Variants in FAM168B observed in about 807,000 individuals in gnomAD.
FAM168B encodes family with sequence similarity 168 member B, also known as myelin-associated neurite-outgrowth inhibitor.
Under a neutral mutation model 21.8 loss-of-function variants are expected in FAM168B, and 19 were observed. The observed-to-expected ratio is 0.87, with a 90% CI of 0.61 to 1.28. The LOEUF is 1.28. FAM168B is among the 50% of genes most tolerant of loss of function. The pLI is 0.00. For synonymous variants in FAM168B, 126 were observed against 104.8 expected, an observed-to-expected ratio of 1.20 and a Z score of -1.24; for missense variants, 233 against 263.1, an observed-to-expected ratio of 0.89 and a Z score of 0.79.
chr2:131,082,443 T>C, intron 2 of FAM168B, 134 bp downstream of exon 2: 1 of 627,940 alleles, frequency 1.6e-6, no homozygotes, highest in East Asian at 3.0e-5. Flanking sequence ...TCATTTGATT[T>C]TTCACTTCCA....
At position 131,061,018 on chromosome 2, in the gene FAM168B, A is replaced by AT. The variant is rs1239405522; in HGVS notation, c.155-5324dup. ...AGGCGCCCACCACCAAGCCTGGCTA[A>AT]TTTTTTTTTTTTTTGGTAGAGACGG... On this transcript the variant is annotated intron_variant, in intron 3 of 6. Transcript: ENST00000389915. 6.4e-3 allele frequency among the ~76,000 whole-genome samples: 911 copies of AT among 143,246 alleles called. 4 individuals are homozygous for AT. The highest frequency in any genetic ancestry group is 0.01 in the Non-Finnish European group (654 of 64,718). The allele number at this position is 143,246 out of a possible 152,430, so 94.0% of individuals were successfully genotyped here.
chr2:131,088,695 A>T (rs1024053989), intron 1 of FAM168B, among the ~76,000 whole-genome samples: 2 of 152,238 alleles, frequency 1.3e-5, no homozygotes, highest in African/African-American at 2.4e-5. Context: ...ATACTTTAAA[A>T]TATTTCTACA....
intron 3 of FAM168B, 80 bp downstream of exon 3, chr2:131,071,775 T>A: frequency 8.1e-7 from 1 of 1,233,596 alleles, no homozygotes; most frequent in Admixed American, 1.7e-5. Flanking sequence ...CCTAATTCTA[T>A]ACCCACCCCT....
At chr2:131,089,021 CA>C (rs1693866819) in intron 1 of FAM168B, among the ~76,000 whole-genome samples, 1 of 150,248 alleles carries the variant, frequency 6.7e-6, no homozygotes, top group African/African-American at 2.5e-5. Flanking sequence ...GGCTGGAGTG[CA>C]ATGGCGCGAT....
intron 3 of FAM168B, among the ~76,000 whole-genome samples, chr2:131,069,855 T>A (rs1292529450): frequency 6.7e-6 from 1 of 149,054 alleles, no homozygotes; most frequent in East Asian, 2.0e-4. Flanking sequence ...CTAACCCTCA[T>A]CAAACTTTTT....
intron 1 of FAM168B, among the ~76,000 whole-genome samples, chr2:131,087,781 G>A (rs1693790527): frequency 6.6e-6 from 1 of 152,128 alleles, no homozygotes; most frequent in South Asian, 2.1e-4. Context: ...CCACTCCTAG[G>A]TACATACCCA....
Position 131,049,043 on chromosome 2 carries a change from A to G in FAM168B, c.*3422T>C, listed in dbSNP as rs1691482107. 2.0e-6 allele frequency: 2 copies of G among 985,348 alleles called. No homozygotes were observed. Among genetic ancestry groups the G allele is most frequent in the South Asian group, 4.7e-5 (1 of 21,294 alleles). 61.0% of individuals were successfully genotyped at this position (985,348 alleles called of 1,614,324 possible). A position where few individuals can be genotyped will look rare whatever the true frequency, so the allele number is the denominator to read the frequency against. On this transcript the variant is annotated 3_prime_UTR_variant, in exon 7 of 7. Coordinates refer to ENST00000389915, the MANE Select transcript of FAM168B (RefSeq NM_001009993.4). ...TTTTAAAGCAGACACCAATACTTAC[A>G]TAACTAGTACATGTTGGCCTTTCAC...
intron 2 of FAM168B, among the ~76,000 whole-genome samples, chr2:131,074,899 T>G (rs1215031944): frequency 6.6e-6 from 1 of 152,176 alleles, no homozygotes; most frequent in African/African-American, 2.4e-5. Context: ...GGCATCAGTG[T>G]CACCAAGCCC....
intron 3 of FAM168B, among the ~76,000 whole-genome samples, chr2:131,059,722 C>T (rs1358790468): frequency 6.6e-6 from 1 of 152,148 alleles, no homozygotes; most frequent in Non-Finnish European, 1.5e-5. Flanking sequence ...TCCCTTTCTT[C>T]ATACAATTAA....
At chr2:131,084,604 A>G (rs938136976) in intron 1 of FAM168B, among the ~76,000 whole-genome samples, 1 of 151,954 alleles carries the variant, frequency 6.6e-6, no homozygotes, top group Non-Finnish European at 1.5e-5. Context: ...TTTATCATCC[A>G]TGGATCTTTC....
rs144433310 is a variant in FAM168B, at chr2:131,074,535, C to T, written c.71-2597G>A. On this transcript the variant is annotated intron_variant, in intron 2 of 6. Coordinates refer to ENST00000389915, the MANE Select transcript of FAM168B (RefSeq NM_001009993.4). The stretch of plus-strand genomic sequence containing the variant: ...GAGAAGCTGTAACTTCTCTACTGCA[C>T]ACTTCCTTCACCTGTAAATAAAGTT... 3.0e-3 allele frequency among the ~76,000 whole-genome samples: 460 copies of T among 152,314 alleles called. 1 individual carries two copies. The highest frequency in any genetic ancestry group is 0.011 in the African/African-American group (448 of 41,566).
At chr2:131,080,422 G>C (rs1181284480) in intron 2 of FAM168B, among the ~76,000 whole-genome samples, 1 of 151,084 alleles carries the variant, frequency 6.6e-6, no homozygotes, top group Non-Finnish European at 1.5e-5. Flanking sequence ...CGGATCACTT[G>C]AGGTCTGCAG....
Position 131,050,871 on chromosome 2 carries a change from G to T in FAM168B, c.*1594C>A. On this transcript the variant is annotated 3_prime_UTR_variant, in exon 7 of 7. Coordinates refer to ENST00000389915, the MANE Select transcript of FAM168B (RefSeq NM_001009993.4). ...ACCACCACTGCACTGGGAAGAAGAC[G>T]CACGCTCCTGCCCTAGAGGCCGCTG... is the stretch of plus-strand genomic sequence containing the variant. 1.0e-6 allele frequency: 1 copy of T among 985,462 alleles called. No homozygotes were observed. The highest frequency in any genetic ancestry group is 4.7e-5 in the South Asian group (1 of 21,276). 61.0% of individuals were successfully genotyped at this position (985,462 alleles called of 1,614,324 possible).
intron 2 of FAM168B, among the ~76,000 whole-genome samples, chr2:131,078,857 A>C (rs1693296950): frequency 6.6e-6 from 1 of 151,980 alleles, no homozygotes; most frequent in Non-Finnish European, 1.5e-5. Flanking sequence ...ATGGTAGCGC[A>C]CACCTGTAGT....
At chr2:131,075,740 G>A (rs1407874476) in intron 2 of FAM168B, among the ~76,000 whole-genome samples, 2 of 151,902 alleles carry the variant, frequency 1.3e-5, no homozygotes, top group Non-Finnish European at 2.9e-5. Context: ...CGCCCACCCC[G>A]GCCTCCCAAA....
chr2:131,072,825 G>A (rs1692943622), intron 2 of FAM168B, among the ~76,000 whole-genome samples: 1 of 152,144 alleles, frequency 6.6e-6, no homozygotes, highest in Non-Finnish European at 1.5e-5. Context: ...AGAGTAGTAA[G>A]AGTGCTAAGG....
intron 1 of FAM168B, 104 bp downstream of exon 1, chr2:131,093,110 G>A (rs1356506020): frequency 2.7e-5 from 4 of 150,618 alleles, no homozygotes; most frequent in African/African-American, 9.7e-5. Flanking sequence ...GACGCCCAGC[G>A]ACCCCGAGCC....
chr2:131,060,337 T>C (rs933635163), intron 3 of FAM168B, among the ~76,000 whole-genome samples: 2 of 152,224 alleles, frequency 1.3e-5, no homozygotes, highest in Non-Finnish European at 2.9e-5. Context: ...AGTAGGAATA[T>C]TCCCATGTAC....
chr2:131,052,952 T>C lies in FAM168B; in HGVS notation c.539A>G (p.Tyr180Cys), dbSNP rs1235894047. ...VAPHPVTVPTYRAPGTPTYSY... is the reference protein window; with the variant it reads ...VAPHPVTVPTCRAPGTPTYSY... ...GTAAGTGGGCGTTCCTGGGGCCCGG[T>C]ACGTGGGCACAGTGACCGGGTGGGG... The change falls in exon 6 of 7, where the codon TAC becomes TGC. Residue 180 changes from tyrosine to cysteine, a missense_variant. Tyr to Cys is a radical substitution (Grantham distance 194). Transcript: ENST00000389915. 1 of 1,563,742 alleles carries C rather than the reference T, an allele frequency of 6.4e-7. No individual in the cohort carries two copies. Among genetic ancestry groups the C allele is most frequent in the Admixed American group, 1.9e-5 (1 of 52,304 alleles).
Sources: gnomAD v4.1 joint callset for allele counts (sites outside exome capture counted in the v4.1 genomes callset) on GRCh38, gnomAD v4.1.1 for gene constraint, MANE v1.5 for transcripts, NCBI Gene and HGNC (gene_info 2026-07-23, HGNC 2026-07-21) for gene names.